The following MCTP2 variants were observed in gnomAD, a reference collection of about 807,000 sequenced individuals.
The protein encoded by MCTP2 is multiple C2 and transmembrane domain-containing protein 2.
A neutral mutation model predicts 111.6 loss-of-function variants in MCTP2; 132 were observed. The observed-to-expected ratio is 1.18, with a 90% confidence interval of 1.03 to 1.37. MCTP2 has a LOEUF of 1.37. MCTP2 is among the 40% of genes most tolerant of loss of function. The probability of loss-of-function intolerance (pLI) is 0.00; values close to 1 mark genes in which losing one functional copy is unlikely to be tolerated. For synonymous variants in MCTP2, 395 were observed against 387.7 expected, an observed-to-expected ratio of 1.02 and a Z score of -0.22; for missense variants, 1,183 against 1,067.9, an observed-to-expected ratio of 1.11 and a Z score of -1.50.
chr15:94,310,531 A>G (rs1447810148), intron 2 of MCTP2, among the ~76,000 whole-genome samples: 1 of 152,088 alleles, frequency 6.6e-6, no homozygotes, highest in Admixed American at 6.6e-5. Flanking sequence ...TCATATCTGT[A>G]ATTCTAGTGC....
chr15:94,390,062 ATATATATATATATATATATATATATATG>A (rs1275456936), intron 14 of MCTP2, among the ~76,000 whole-genome samples: 134 of 10,060 alleles, frequency 0.013, no homozygotes, highest in Admixed American at 0.037. Flanking sequence ...ATATATATAT[ATATATATATATATATATATATATATATG>A]TATATATATA....
rs34484349 is a variant in MCTP2, at chr15:94,300,509, C to CAA, written c.465+1793_465+1794dup. On this transcript the variant is annotated intron_variant, in intron 2 of 22. Transcript: ENST00000357742. The stretch of plus-strand genomic sequence containing the variant: ...TGGGTGACAGAGTGAGACTCTGTCT[C>CAA]AAAAAAAAAAAAAAAGAACTTTTAT... Among the ~76,000 whole-genome samples the CAA allele has an allele frequency of 9.3e-3, 1,178 of 126,174 alleles. 26 individuals carry two copies. The highest frequency in any genetic ancestry group is 0.056 in the East Asian group (247 of 4,418). 82.8% of individuals were successfully genotyped at this position (126,174 alleles called of 152,430 possible). A position where few individuals can be genotyped will look rare whatever the true frequency, so the allele number is the denominator to read the frequency against.
At chr15:94,402,498 G>A (rs2152476755) in intron 17 of MCTP2, 1 of 1,551,656 alleles carries the variant, frequency 6.4e-7, no homozygotes, top group South Asian at 1.2e-5. Flanking sequence ...CCGCAAAGAG[G>A]AACCACCCCT....
chr15:94,348,341 CCTCTCCTCTCTCA>C (rs1286762752), intron 8 of MCTP2, among the ~76,000 whole-genome samples: 1 of 147,302 alleles, frequency 6.8e-6, no homozygotes, highest in South Asian at 2.2e-4. Flanking sequence ...TTCCCCTCTC[CCTCTCCTCTCTCA>C]CTCTCCATCC....
At chr15:94,320,514 T>C in intron 4 of MCTP2, among the ~76,000 whole-genome samples, 1 of 152,168 alleles carries the variant, frequency 6.6e-6, no homozygotes, top group East Asian at 1.9e-4. Flanking sequence ...TTAATAAATT[T>C]TAGTTCTTCG....
chr15:94,232,185 C>T (rs2070224832), intron 1 of MCTP2, among the ~76,000 whole-genome samples: 1 of 152,206 alleles, frequency 6.6e-6, no homozygotes. Context: ...AAAATAAAGA[C>T]AGTGATGTTG....
chr15:94,479,318 A>G lies in MCTP2; in HGVS notation c.*284A>G, dbSNP rs2074610421. The G allele has an allele frequency of 2.2e-6, 1 of 458,024 alleles. No individual in the cohort carries two copies. The highest frequency in any genetic ancestry group is 4.0e-6 in the Non-Finnish European group (1 of 251,812). 28.4% of individuals were successfully genotyped at this position (458,024 alleles called of 1,614,324 possible). A position where few individuals can be genotyped will look rare whatever the true frequency, so the allele number is the denominator to read the frequency against. ...TGAAATAGGAGATAACAAGGCTGCC[A>G]TGGATCTGAACACCACCTTCCTTGA... On this transcript the variant is annotated 3_prime_UTR_variant, in exon 23 of 23. Coordinates refer to ENST00000357742, the MANE Select transcript of MCTP2 (RefSeq NM_001385001.1).
In MCTP2 at chr15:94,458,525, T is replaced by G. The variant is rs554432919; in HGVS notation, c.2360+279T>G. On this transcript the variant is annotated intron_variant, in intron 20 of 22. Coordinates refer to ENST00000357742, the MANE Select transcript of MCTP2 (RefSeq NM_001385001.1). ...TCACTCAAAAATATATCAGTTTGGG[T>G]GACAAATGATAGATATTTAAAATGT... Among the ~76,000 whole-genome samples, 9 of 152,250 alleles carry G rather than the reference T, an allele frequency of 5.9e-5. No homozygotes were observed. In the East Asian group the frequency reaches 1.7e-3, roughly 29 times the overall value.
chr15:94,467,472 A>G (rs947329443), intron 20 of MCTP2, among the ~76,000 whole-genome samples: 6 of 152,020 alleles, frequency 3.9e-5, no homozygotes, highest in Non-Finnish European at 7.4e-5. Flanking sequence ...TTATATATGT[A>G]CATTACTTCT....
At chr15:94,348,365 C>A (rs75424416) in intron 8 of MCTP2, among the ~76,000 whole-genome samples, 2 of 117,212 alleles carry the variant, frequency 1.7e-5, no homozygotes, top group Non-Finnish European at 3.7e-5. Context: ...CTCTCCATCC[C>A]CCTTCTCTCT....
chr15:94,268,227 G>A (rs2073695721), intron 1 of MCTP2, among the ~76,000 whole-genome samples: 1 of 136,408 alleles, frequency 7.3e-6, no homozygotes, highest in Admixed American at 8.1e-5. Flanking sequence ...TGTCACCCAA[G>A]CTGGAGTGCA....
At chr15:94,474,856 TAA>T (rs1195000282) in intron 21 of MCTP2, among the ~76,000 whole-genome samples, 2 of 109,320 alleles carry the variant, frequency 1.8e-5, no homozygotes, top group African/African-American at 6.2e-5. Flanking sequence ...ATTTTTATCC[TAA>T]GTTTTTTTTT....
chr15:94,426,384 T>G (rs1361278066), intron 17 of MCTP2, among the ~76,000 whole-genome samples: 3 of 152,168 alleles, frequency 2.0e-5, no homozygotes, highest in African/African-American at 7.2e-5. Context: ...TTTCTAGTTT[T>G]ACCATATCTA....
chr15:94,252,334 C>T (rs2072489863), intron 1 of MCTP2, among the ~76,000 whole-genome samples: 1 of 152,148 alleles, frequency 6.6e-6, no homozygotes, highest in South Asian at 2.1e-4. Flanking sequence ...TAAAGTGTGT[C>T]TCATAATTTC....
intron 1 of MCTP2, among the ~76,000 whole-genome samples, chr15:94,248,585 C>G (rs2072183187): frequency 6.6e-6 from 1 of 152,198 alleles, no homozygotes; most frequent in Non-Finnish European, 1.5e-5. Context: ...TTTTAGCTCT[C>G]TGTAAATGCC....
intron 1 of MCTP2, among the ~76,000 whole-genome samples, chr15:94,235,745 T>A (rs1386491800): frequency 6.6e-6 from 1 of 152,172 alleles, no homozygotes; most frequent in Admixed American, 6.5e-5. Flanking sequence ...TTGTCCGTAG[T>A]CACACAGCTG....
At chr15:94,237,697 G>C (rs2070669214) in intron 1 of MCTP2, among the ~76,000 whole-genome samples, 1 of 152,162 alleles carries the variant, frequency 6.6e-6, no homozygotes. Context: ...CATCTGTAAA[G>C]AATCTCTATT....
At chr15:94,455,108 C>T (rs1404066818) in intron 19 of MCTP2, among the ~76,000 whole-genome samples, 1 of 152,230 alleles carries the variant, frequency 6.6e-6, no homozygotes, top group Non-Finnish European at 1.5e-5. Flanking sequence ...AGGCGTGAGC[C>T]ACCACTCCCT....
At chr15:94,382,983 G>A (rs1190885256) in intron 12 of MCTP2, among the ~76,000 whole-genome samples, 1 of 152,226 alleles carries the variant, frequency 6.6e-6, no homozygotes, top group African/African-American at 2.4e-5. Context: ...AATTTCTTAG[G>A]TTTTTTGGTG....
Sources: gnomAD v4.1 joint callset for allele counts (sites outside exome capture counted in the v4.1 genomes callset) on GRCh38, gnomAD v4.1.1 for gene constraint, MANE v1.5 for transcripts, NCBI Gene and HGNC (gene_info 2026-07-23, HGNC 2026-07-21) for gene names.